Variants in SPOCK1 observed in about 807,000 individuals in gnomAD.
The protein encoded by SPOCK1 is SPARC (osteonectin), cwcv and kazal like domains proteoglycan 1.
A neutral mutation model predicts 55.3 loss-of-function variants in SPOCK1; 23 were observed. The observed-to-expected ratio is 0.42, with a 90% CI of 0.30 to 0.59. The LOEUF is 0.59. SPOCK1 is among the 20% of genes least tolerant of loss of function. The pLI, the probability that SPOCK1 is intolerant of heterozygous loss-of-function variation, is 0.22. For missense variants in SPOCK1, 499 were observed against 552.5 expected, an observed-to-expected ratio of 0.90 and a Z score of 0.97; for synonymous variants, 226 against 221.0, an observed-to-expected ratio of 1.02 and a Z score of -0.20.
At chr5:137,255,852 T>C (rs1328361858) in intron 3 of SPOCK1, among the ~76,000 whole-genome samples, 2 of 152,346 alleles carry the variant, frequency 1.3e-5, no homozygotes, top group East Asian at 3.9e-4. Context: ...TAATTAGGGA[T>C]TGTCTTGCCT....
Position 136,979,578 on chromosome 5 carries a change from G to A in SPOCK1, c.992-109C>T, listed in dbSNP as rs557528542. ...TCACATGTCAGAATATCTGCTGCAGGGTCAGCAGCAGAGGATGGGGATGGT... is the reference window on the plus strand; with the variant it reads ...TCACATGTCAGAATATCTGCTGCAGAGTCAGCAGCAGAGGATGGGGATGGT... On this transcript the variant is annotated intron_variant, in intron 9 of 10. Transcript: ENST00000394945. The A allele has an allele frequency of 4.0e-5, 56 of 1,386,746 alleles. No homozygotes were observed. The Middle Eastern group carries it at 9.4e-4, about 23-fold the overall frequency. The allele number at this position is 1,386,746 out of a possible 1,614,324, so 85.9% of individuals were successfully genotyped here.
intron 2 of SPOCK1, among the ~76,000 whole-genome samples, chr5:137,272,368 T>C (rs1169035453): frequency 6.6e-6 from 1 of 152,212 alleles, no homozygotes; most frequent in African/African-American, 2.4e-5. Context: ...ATTATGTAAA[T>C]GCTTCTGTTA....
At chr5:137,155,003 G>A (rs969469431) in intron 3 of SPOCK1, among the ~76,000 whole-genome samples, 3 of 152,216 alleles carry the variant, frequency 2.0e-5, no homozygotes, top group Non-Finnish European at 2.9e-5. Context: ...CCTTGGGCAA[G>A]TTACATAGCT....
chr5:137,134,810 C>T (rs1443989909), intron 4 of SPOCK1, among the ~76,000 whole-genome samples: 1 of 152,230 alleles, frequency 6.6e-6, no homozygotes, highest in African/African-American at 2.4e-5. Flanking sequence ...CCTTTCAAAT[C>T]TCCTCTGAGA....
chr5:137,205,925 T>C (rs1213662803), intron 3 of SPOCK1, among the ~76,000 whole-genome samples: 3 of 152,182 alleles, frequency 2.0e-5, no homozygotes, highest in Non-Finnish European at 4.4e-5. Flanking sequence ...TTGCCACCAC[T>C]GAACGGATGA....
At chr5:137,483,755 AC>A (rs1455439877) in intron 2 of SPOCK1, among the ~76,000 whole-genome samples, 1 of 152,138 alleles carries the variant, frequency 6.6e-6, no homozygotes, top group African/African-American at 2.4e-5. Context: ...CCAGTATGGC[AC>A]CAAAAATGTC....
intron 2 of SPOCK1, among the ~76,000 whole-genome samples, chr5:137,327,325 AAC>A (rs1378261465): frequency 6.6e-6 from 1 of 152,238 alleles, no homozygotes; most frequent in African/African-American, 2.4e-5. Flanking sequence ...ACCAAAAACT[AAC>A]AGTTTTTAGT....
chr5:137,191,948 G>A (rs368276787), intron 3 of SPOCK1, among the ~76,000 whole-genome samples: 53 of 152,110 alleles, frequency 3.5e-4, no homozygotes, highest in African/African-American at 1.2e-3. Context: ...GCGGCCAGGC[G>A]CAGTGGCCGG....
At chr5:137,201,343 T>C (rs1276315985) in intron 3 of SPOCK1, among the ~76,000 whole-genome samples, 1 of 152,200 alleles carries the variant, frequency 6.6e-6, no homozygotes. Flanking sequence ...ATGTTAGGAT[T>C]TTAATAAGCA....
At chr5:137,385,631 C>T (rs951825057) in intron 2 of SPOCK1, among the ~76,000 whole-genome samples, 3 of 152,206 alleles carry the variant, frequency 2.0e-5, no homozygotes, top group African/African-American at 7.2e-5. Context: ...AGATCACCAT[C>T]CACACTCCTG....
At chr5:137,336,610 T>C (rs956419032) in intron 2 of SPOCK1, among the ~76,000 whole-genome samples, 1 of 152,136 alleles carries the variant, frequency 6.6e-6, no homozygotes, top group Non-Finnish European at 1.5e-5. Context: ...CTTGGCCCCC[T>C]TAATTCTCTA....
At chr5:137,341,479 G>A (rs1359469349) in intron 2 of SPOCK1, among the ~76,000 whole-genome samples, 1 of 152,196 alleles carries the variant, frequency 6.6e-6, no homozygotes, top group Non-Finnish European at 1.5e-5. Flanking sequence ...AAAAATGATA[G>A]CAAAAAATAA....
At chr5:137,274,258 A>G (rs2127121213) in intron 2 of SPOCK1, among the ~76,000 whole-genome samples, 1 of 152,344 alleles carries the variant, frequency 6.6e-6, no homozygotes, top group African/African-American at 2.4e-5. Flanking sequence ...GCTGGCCAAG[A>G]GCAGCCTTCT....
chr5:137,150,807 C>T lies in SPOCK1; in HGVS notation c.233-10113G>A, dbSNP rs571996374. Among the ~76,000 whole-genome samples the T allele has an allele frequency of 2.0e-5, 3 of 151,076 alleles. No individual in the cohort carries two copies. In the East Asian group the frequency reaches 5.9e-4, roughly 30 times the overall value. ...AGGAAAGTCTGTAGGGAAAGCCTAC[C>T]CCAGATTAGAAACAGGGATCTCAAA... On this transcript the variant is annotated intron_variant, in intron 3 of 10. Transcript: ENST00000394945.
In SPOCK1 at chr5:137,494,125, G is replaced by C. The variant is rs1454252894; in HGVS notation, c.186+4248C>G. Among the ~76,000 whole-genome samples the C allele has an allele frequency of 2.6e-5, 4 of 152,194 alleles. No individual in the cohort carries two copies. The East Asian group carries it at 7.7e-4, about 29-fold the overall frequency. On this transcript the variant is annotated intron_variant, in intron 2 of 10. Transcript: ENST00000394945. Reference sequence around the variant, plus strand: ...CTAAAGTTAAATGTCAGGGTTTCATGTGTGCAAAAGAAAGAAAATGTCATG... The same window carrying C: ...CTAAAGTTAAATGTCAGGGTTTCATCTGTGCAAAAGAAAGAAAATGTCATG...
chr5:137,497,243 G>T (rs931940179), intron 2 of SPOCK1, among the ~76,000 whole-genome samples: 1 of 152,154 alleles, frequency 6.6e-6, no homozygotes, highest in Non-Finnish European at 1.5e-5. Flanking sequence ...ATTAACAAAG[G>T]GGGTCTGTGG....
intron 4 of SPOCK1, among the ~76,000 whole-genome samples, chr5:137,127,397 C>T (rs1484909162): frequency 6.6e-6 from 1 of 152,240 alleles, no homozygotes; most frequent in Non-Finnish European, 1.5e-5. Context: ...ACCAGAGACA[C>T]TGTAGGGGGA....
chr5:137,296,385 G>A (rs1273016150), intron 2 of SPOCK1, among the ~76,000 whole-genome samples: 1 of 152,194 alleles, frequency 6.6e-6, no homozygotes, highest in Non-Finnish European at 1.5e-5. Context: ...TTGCATTAAA[G>A]GACGTCATTT....
At chr5:137,154,498 A>T (rs1754377490) in intron 3 of SPOCK1, among the ~76,000 whole-genome samples, 1 of 152,198 alleles carries the variant, frequency 6.6e-6, no homozygotes, top group Admixed American at 6.5e-5. Context: ...TGGATAAAGA[A>T]AATATAGCAA....
Sources: allele counts gnomAD v4.1 joint callset (sites outside exome capture counted in the v4.1 genomes callset), GRCh38; gene constraint gnomAD v4.1.1; transcripts MANE v1.5; gene names NCBI Gene and HGNC (gene_info 2026-07-23, HGNC 2026-07-21).